SMAP1: variants seen among roughly 807,000 people sequenced by gnomAD.
SMAP1 encodes the protein stromal membrane-associated protein 1.
Under a neutral mutation model 58.5 loss-of-function variants are expected in SMAP1, and 24 were observed. That is an observed-to-expected ratio of 0.41 (90% CI 0.30 to 0.58). The LOEUF is 0.58. Among genes scored for constraint, SMAP1 ranks in the 20% least tolerant of loss-of-function variants. SMAP1 has a pLI of 0.29. For missense variants in SMAP1, 563 were observed against 566.3 expected (o/e 0.99, Z 0.06); for synonymous variants, 216 against 196.6 (o/e 1.10, Z -0.82).
Position 70,861,429 on chromosome 6 carries a change from T to C in SMAP1, c.*1095T>C. The C allele has an allele frequency of 2.0e-6, 1 of 510,460 alleles. No individual in the cohort carries two copies. Among genetic ancestry groups the C allele is most frequent in the Non-Finnish European group, 3.5e-6 (1 of 284,686 alleles). 31.6% of individuals were successfully genotyped at this position (510,460 alleles called of 1,614,324 possible). On this transcript the variant is annotated 3_prime_UTR_variant, in exon 11 of 11. Transcript: ENST00000370455. ...CAAAAAAATCTTCCAATTTAGTTGT[T>C]GTAGAGAAAACATGCAGAACAAATG... is the stretch of plus-strand genomic sequence containing the variant.
At chr6:70,802,621 A>G (rs1768912872) in intron 6 of SMAP1, among the ~76,000 whole-genome samples, 1 of 152,212 alleles carries the variant, frequency 6.6e-6, no homozygotes, top group African/African-American at 2.4e-5. Context: ...TTGCCCATTC[A>G]GTATGATATT....
intron 1 of SMAP1, among the ~76,000 whole-genome samples, chr6:70,720,777 G>C (rs1448075878): frequency 6.6e-6 from 1 of 152,034 alleles, no homozygotes; most frequent in Non-Finnish European, 1.5e-5. Flanking sequence ...GGAGCGGAGA[G>C]GCTGGGACAC....
Position 70,667,994 on chromosome 6 carries a change from C to T in SMAP1, c.-30C>T. 19 of 1,553,888 alleles carry T rather than the reference C, an allele frequency of 1.2e-5. No individual in the cohort carries two copies. The highest frequency in any genetic ancestry group is 1.7e-5 in the Non-Finnish European group (19 of 1,149,986). On this transcript the variant is annotated 5_prime_UTR_variant, in exon 1 of 11. Coordinates refer to ENST00000370455, the MANE Select transcript of SMAP1 (RefSeq NM_001044305.3). ...CAGCCAGCGTCCGCCGCCGCCGTAG[C>T]TGCCCCAGGCTCCCCGCCCCGCTGC...
At chr6:70,833,054 T>C (rs963822004) in intron 6 of SMAP1, among the ~76,000 whole-genome samples, 4 of 152,226 alleles carry the variant, frequency 2.6e-5, no homozygotes, top group Admixed American at 2.6e-4. Context: ...CAGTTTTTGT[T>C]GAAGTCTTTC....
intron 5 of SMAP1, among the ~76,000 whole-genome samples, chr6:70,793,153 G>A (rs527732349): frequency 2.0e-4 from 31 of 152,190 alleles, no homozygotes; most frequent in Admixed American, 1.1e-3. Context: ...TCCTGCCTCA[G>A]CCTCCTGAGT....
intron 6 of SMAP1, 131 bp from the exon 7 acceptor site, chr6:70,836,809 TC>T (rs1383160110): frequency 2.8e-6 from 2 of 707,712 alleles, no homozygotes; most frequent in East Asian, 6.0e-5. Context: ...CAAATAATAT[TC>T]TAGGTTTTAT....
At chr6:70,783,971 G>A (rs1211909531) in intron 4 of SMAP1, among the ~76,000 whole-genome samples, 5 of 152,138 alleles carry the variant, frequency 3.3e-5, no homozygotes, top group Non-Finnish European at 7.4e-5. Flanking sequence ...GATACTCCTC[G>A]AGAAGAGCAA....
chr6:70,745,130 T>G (rs544429270), intron 2 of SMAP1, among the ~76,000 whole-genome samples: 46 of 152,356 alleles, frequency 3.0e-4, no homozygotes, highest in African/African-American at 1.1e-3. Flanking sequence ...GGTTGCCTGT[T>G]CACTCTGATG....
At chr6:70,847,588 T>A (rs1771040748) in intron 7 of SMAP1, among the ~76,000 whole-genome samples, 1 of 152,310 alleles carries the variant, frequency 6.6e-6, no homozygotes. Flanking sequence ...TTTCTTCTGT[T>A]TGCTCATTGC....
chr6:70,771,270 T>C (rs973463194), intron 3 of SMAP1, among the ~76,000 whole-genome samples: 1 of 152,192 alleles, frequency 6.6e-6, no homozygotes, highest in African/African-American at 2.4e-5. Flanking sequence ...AGCACCACTG[T>C]TCTCTTCAAA....
chr6:70,803,061 G>T (rs184187579), intron 6 of SMAP1, among the ~76,000 whole-genome samples: 76 of 152,290 alleles, frequency 5.0e-4, no homozygotes, highest in African/African-American at 1.5e-3. Context: ...CTATTGATTG[G>T]AATAGTTTCA....
intron 1 of SMAP1, among the ~76,000 whole-genome samples, chr6:70,727,044 A>G (rs188949677): frequency 3.3e-5 from 5 of 152,136 alleles, no homozygotes; most frequent in East Asian, 3.9e-4. Context: ...CATTTTACCA[A>G]GAATGTACCT....
chr6:70,699,836 A>G (rs1029380552), intron 1 of SMAP1, among the ~76,000 whole-genome samples: 1 of 151,956 alleles, frequency 6.6e-6, no homozygotes, highest in African/African-American at 2.4e-5. Flanking sequence ...CAGAAATGCC[A>G]TCCAGGAGCC....
intron 3 of SMAP1, among the ~76,000 whole-genome samples, chr6:70,771,595 C>A (rs1767315717): frequency 6.6e-6 from 1 of 152,168 alleles, no homozygotes; most frequent in South Asian, 2.1e-4. Context: ...GTTTTTTAAG[C>A]CCGTCGGAAA....
rs1582196944 is a variant in SMAP1, at chr6:70,791,678, G to A, written c.415-11G>A. 1.9e-6 allele frequency: 3 copies of A among 1,607,902 alleles called. No individual in the cohort carries two copies. The highest frequency in any genetic ancestry group is 2.5e-6 in the Non-Finnish European group (3 of 1,176,882). Reference sequence around the variant, plus strand: ...TTTTTTTCCTCCTGACTTTTCACCTGTACTCCACAGATTTCCTCCTCTGAT... The same window carrying A: ...TTTTTTTCCTCCTGACTTTTCACCTATACTCCACAGATTTCCTCCTCTGAT... On this transcript the variant is annotated splice_polypyrimidine_tract_variant and intron_variant, in intron 4 of 10. Coordinates refer to ENST00000370455, the MANE Select transcript of SMAP1 (RefSeq NM_001044305.3).
chr6:70,743,293 TAATC>T (rs1765890462), intron 2 of SMAP1, among the ~76,000 whole-genome samples: 1 of 152,220 alleles, frequency 6.6e-6, no homozygotes, highest in Admixed American at 6.5e-5. Context: ...TTTGTGGGGA[TAATC>T]AGTTAGTTAG....
At chr6:70,736,699 G>A (rs1008028514) in intron 2 of SMAP1, among the ~76,000 whole-genome samples, 1 of 152,166 alleles carries the variant, frequency 6.6e-6, no homozygotes, top group African/African-American at 2.4e-5. Flanking sequence ...TTAAAAACTT[G>A]TATATTCTAT....
At chr6:70,807,544 GT>G (rs1260520576) in intron 6 of SMAP1, among the ~76,000 whole-genome samples, 1 of 152,114 alleles carries the variant, frequency 6.6e-6, no homozygotes, top group East Asian at 1.9e-4. Context: ...CTATAAATAT[GT>G]TTCTGTAGAT....
At chr6:70,779,709 C>T (rs570332118) in intron 4 of SMAP1, among the ~76,000 whole-genome samples, 8 of 152,222 alleles carry the variant, frequency 5.3e-5, no homozygotes, top group Middle Eastern at 3.4e-3. Flanking sequence ...CTACTGTTCT[C>T]CCCTAGTGCT....
Sources: allele counts gnomAD v4.1 joint callset (sites outside exome capture counted in the v4.1 genomes callset), GRCh38; gene constraint gnomAD v4.1.1; transcripts MANE v1.5; gene names NCBI Gene and HGNC (gene_info 2026-07-23, HGNC 2026-07-21).